CRYBA4: variants seen among roughly 807,000 people sequenced by gnomAD.
CRYBA4 encodes the protein beta-crystallin A4.
Under a neutral mutation model 31.7 loss-of-function variants are expected in CRYBA4, and 30 were observed. That is an observed-to-expected ratio of 0.95 (90% CI 0.71 to 1.28). The LOEUF is 1.28. Among genes scored for constraint, CRYBA4 ranks in the 50% most tolerant of loss-of-function variants. The pLI, the probability that CRYBA4 is intolerant of heterozygous loss-of-function variation, is 0.00. For synonymous variants in CRYBA4, 102 were observed against 102.3 expected, an observed-to-expected ratio of 1.00 and a Z score of 0.02; for missense variants, 225 against 260.7, an observed-to-expected ratio of 0.86 and a Z score of 0.94.
intron 4 of CRYBA4, among the ~76,000 whole-genome samples, chr22:26,627,359 CCTTTCTTTCTTTCTTTCTTT>C (rs1245733367): frequency 8.4e-4 from 35 of 41,848 alleles, no homozygotes; most frequent in East Asian, 2.2e-3. Flanking sequence ...CTCCCTCCCT[CCTTTCTTTCTTTCTTTCTTT>C]CTTTCTTTCT....
At position 26,625,723 on chromosome 22, in the gene CRYBA4, A is replaced by G; in HGVS notation, c.300+101A>G. On this transcript the variant is annotated intron_variant, in intron 4 of 5. Coordinates refer to ENST00000354760, the MANE Select transcript of CRYBA4 (RefSeq NM_001886.3). ...GTTGAAATTCTCATGTCGCCACTTCAAGCTGTGTGACAAGGGCTGTTCAGT... is the reference window on the plus strand; with the variant it reads ...GTTGAAATTCTCATGTCGCCACTTCGAGCTGTGTGACAAGGGCTGTTCAGT... The G allele has an allele frequency of 2.4e-6, 3 of 1,232,286 alleles. No homozygotes were observed. The South Asian group carries it at 3.8e-5, about 16-fold the overall frequency. The allele number at this position is 1,232,286 out of a possible 1,614,324, so 76.3% of individuals were successfully genotyped here. A position where few individuals can be genotyped will look rare whatever the true frequency, so the allele number is the denominator to read the frequency against.
chr22:26,623,146 A>G, intron 2 of CRYBA4, 88 bp from the exon 3 acceptor site: 1 of 1,098,928 alleles, frequency 9.1e-7, no homozygotes. Flanking sequence ...TCCCTGCTTT[A>G]CCTGCCAGAT....
the CRYBA4 span, among the ~76,000 whole-genome samples, chr22:26,603,125 C>CAAAA: frequency 8.7e-5 from 6 of 69,336 alleles, no homozygotes; most frequent in Non-Finnish European, 1.2e-4. Flanking sequence ...GACTCCGTCT[C>CAAAA]AAAAAAAAAA....
At chr22:26,628,529 A>C in intron 5 of CRYBA4, 99 bp downstream of exon 5, 2 of 1,407,966 alleles carry the variant, frequency 1.4e-6, no homozygotes, top group South Asian at 1.2e-5. Context: ...TTGTGCTCTG[A>C]TGCCCACATT....
the CRYBA4 span, among the ~76,000 whole-genome samples, chr22:26,616,567 T>A: frequency 6.6e-6 from 1 of 152,190 alleles, no homozygotes; most frequent in South Asian, 2.1e-4. Context: ...GACCATGCGG[T>A]TCCCTCCACT....
chr22:26,621,238 G>A (rs895260187), upstream of CRYBA4, among the ~76,000 whole-genome samples: 4 of 152,138 alleles, frequency 2.6e-5, no homozygotes, highest in African/African-American at 9.7e-5. Context: ...AGTGCCATCC[G>A]GATTCATCTT....
At chr22:26,605,391 T>C in the CRYBA4 span, among the ~76,000 whole-genome samples, 2 of 152,114 alleles carry the variant, frequency 1.3e-5, no homozygotes, top group African/African-American at 4.8e-5. Flanking sequence ...ACAGGCCAAC[T>C]GGTTGGGCGC....
the CRYBA4 span, chr22:26,608,029 CAAG>C: frequency 4.3e-6 from 7 of 1,614,018 alleles, no homozygotes; most frequent in African/African-American, 6.7e-5. Context: ...CAGCTGGATA[CAAG>C]AAGGACCATG....
chr22:26,601,911 G>A, the CRYBA4 span: 1 of 1,612,556 alleles, frequency 6.2e-7, no homozygotes, highest in Middle Eastern at 2.0e-4. Flanking sequence ...TGCCCACGCG[G>A]TCACTGAAGC....
the CRYBA4 span, among the ~76,000 whole-genome samples, chr22:26,615,665 C>G: frequency 6.6e-6 from 1 of 152,154 alleles, no homozygotes; most frequent in African/African-American, 2.4e-5. Context: ...AGGCGCCCAC[C>G]ACTACGCCTG....
chr22:26,600,127 C>T, the CRYBA4 span, among the ~76,000 whole-genome samples: 328 of 152,142 alleles, frequency 2.2e-3, 1 homozygote, highest in African/African-American at 7.5e-3. Flanking sequence ...CTTGGCTGGG[C>T]GCGGTGGCTC....
At position 26,623,361 on chromosome 22, in the gene CRYBA4, A is replaced by AG. The variant is rs1450485073; in HGVS notation, c.158+14dup. 1.2e-6 allele frequency: 2 copies of AG among 1,605,346 alleles called. No individual in the cohort carries two copies. Among genetic ancestry groups the AG allele is most frequent in the Non-Finnish European group, 8.5e-7 (1 of 1,172,218 alleles). The stretch of plus-strand genomic sequence containing the variant: ...AAAGTGCTGAGTGGAGCGTGAGTCT[A>AG]GGGGGACACTGAGTTGGGGTAGAGG... On this transcript the variant is annotated intron_variant, in intron 3 of 5. Coordinates refer to ENST00000354760, the MANE Select transcript of CRYBA4 (RefSeq NM_001886.3).
chr22:26,620,556 CTTTTTTTTTTTTTT>C (rs60318967), upstream of CRYBA4, among the ~76,000 whole-genome samples: 2 of 88,494 alleles, frequency 2.3e-5, no homozygotes, highest in Non-Finnish European at 4.3e-5. Flanking sequence ...TCATGCATTC[CTTTTTTTTTTTTTT>C]TTTTTTTTTT....
At chr22:26,615,139 AC>A in the CRYBA4 span, among the ~76,000 whole-genome samples, 1 of 152,228 alleles carries the variant, frequency 6.6e-6, no homozygotes, top group Non-Finnish European at 1.5e-5. Flanking sequence ...CCACGCACTG[AC>A]CACATGAGAG....
the CRYBA4 span, among the ~76,000 whole-genome samples, chr22:26,608,246 A>G: frequency 5.3e-5 from 8 of 152,094 alleles, no homozygotes; most frequent in African/African-American, 1.7e-4. Flanking sequence ...TCTCATCTAC[A>G]CTCATATGCC....
chr22:26,615,244 T>TCCACAGGATGCCTTTCAGC, the CRYBA4 span, among the ~76,000 whole-genome samples: 1 of 152,196 alleles, frequency 6.6e-6, no homozygotes, highest in South Asian at 2.1e-4. Flanking sequence ...GACACCTTGC[T>TCCACAGGATGCCTTTCAGC]CCACAGGATG....
chr22:26,621,092 C>T (rs554558061), upstream of CRYBA4, among the ~76,000 whole-genome samples: 4 of 152,252 alleles, frequency 2.6e-5, no homozygotes, highest in South Asian at 6.2e-4. Flanking sequence ...CCTCTTAGGT[C>T]CCTCATACGC....
the CRYBA4 span, among the ~76,000 whole-genome samples, chr22:26,603,131 A>AC: frequency 6.9e-6 from 1 of 144,728 alleles, no homozygotes; most frequent in Admixed American, 7.3e-5. Flanking sequence ...GTCTCAAAAA[A>AC]AAAAAAAAAA....
chr22:26,596,618 G>T, the CRYBA4 span: 26 of 152,266 alleles, frequency 1.7e-4, no homozygotes, highest in African/African-American at 5.1e-4. Context: ...AAATCATAGT[G>T]CATCTTACCA....
Sources: allele counts gnomAD v4.1 joint callset (sites outside exome capture counted in the v4.1 genomes callset), GRCh38; gene constraint gnomAD v4.1.1; transcripts MANE v1.5; gene names NCBI Gene and HGNC (gene_info 2026-07-23, HGNC 2026-07-21).